NRXN1: variants seen among roughly 807,000 people sequenced by gnomAD.
NRXN1 encodes the protein neurexin 1.
In NRXN1, 39 loss-of-function variants were observed where a neutral mutation model predicts 150.9. That is an observed-to-expected ratio of 0.26 (90% CI 0.20 to 0.34). The LOEUF is 0.34. Ranked by LOEUF, NRXN1 falls within the 10% of genes least tolerant of loss-of-function variation. The pLI is 1.00. For synonymous variants in NRXN1, 924 were observed against 757.0 expected, an observed-to-expected ratio of 1.22 and a Z score of -3.62; for missense variants, 1,815 against 1,949.9, an observed-to-expected ratio of 0.93 and a Z score of 1.30.
chr2:50,965,008 A>G (rs1693824743), intron 2 of NRXN1, among the ~76,000 whole-genome samples: 1 of 151,456 alleles, frequency 6.6e-6, no homozygotes, highest in Non-Finnish European at 1.5e-5. Flanking sequence ...AGAGCCAAGA[A>G]CACATTAGGT....
intron 5 of NRXN1, chr2:50,919,497 CT>C (rs143240946): frequency 6.6e-6 from 1 of 151,414 alleles, no homozygotes; most frequent in Non-Finnish European, 1.5e-5. Context: ...TTTTTATAGT[CT>C]TTTTTTCATA....
intron 5 of NRXN1, among the ~76,000 whole-genome samples, chr2:50,813,958 G>C (rs1474273068): frequency 2.0e-5 from 3 of 151,448 alleles, no homozygotes; most frequent in African/African-American, 7.2e-5. Flanking sequence ...CAAGATTAAA[G>C]AGGAGATCAT....
At chr2:50,725,572 T>A (rs570919068) in intron 5 of NRXN1, among the ~76,000 whole-genome samples, 1 of 152,292 alleles carries the variant, frequency 6.6e-6, no homozygotes, top group Admixed American at 6.5e-5. Flanking sequence ...GTTAACTGGG[T>A]AATTTTTCCA....
At chr2:50,415,168 A>G (rs1193427453) in intron 17 of NRXN1, among the ~76,000 whole-genome samples, 18 of 152,152 alleles carry the variant, frequency 1.2e-4, no homozygotes, top group Non-Finnish European at 2.9e-5. Flanking sequence ...TTGAAAAAAG[A>G]AGATAATCAT....
At chr2:50,033,159 C>G (rs907165923) in intron 21 of NRXN1, among the ~76,000 whole-genome samples, 1 of 151,754 alleles carries the variant, frequency 6.6e-6, no homozygotes, top group Admixed American at 6.6e-5. Context: ...CTGTCTAAAA[C>G]AGTGCCTTTC....
intron 17 of NRXN1, among the ~76,000 whole-genome samples, chr2:50,281,333 A>ATAATAATAATAG (rs1428276034): frequency 6.6e-6 from 1 of 151,776 alleles, no homozygotes; most frequent in Non-Finnish European, 1.5e-5. Flanking sequence ...AATAATAATA[A>ATAATAATAATAG]TAATAATCCA....
intron 17 of NRXN1, among the ~76,000 whole-genome samples, chr2:50,254,518 T>G (rs551516575): frequency 2.3e-4 from 35 of 151,962 alleles, no homozygotes; most frequent in African/African-American, 8.0e-4. Context: ...GGGTGTCAAT[T>G]TGAGCTCTTC....
At chr2:50,548,312 C>A (rs750181060) in intron 9 of NRXN1, 11 of 152,170 alleles carry the variant, frequency 7.2e-5, no homozygotes, top group African/African-American at 2.4e-4. Context: ...TTTACACATT[C>A]GCTAACAATT....
In NRXN1 at chr2:50,831,939, G is replaced by T. The variant is rs138270363; in HGVS notation, c.832+89930C>A. Among the ~76,000 whole-genome samples the T allele has an allele frequency of 5.4e-3, 815 of 152,262 alleles. 7 individuals carry two copies. Among genetic ancestry groups the T allele is most frequent in the African/African-American group, 0.019 (786 of 41,550 alleles). ...CGCTGATTGTTCACATTGAGTAGCAGTGGCGGGCAAGCAAAAAAGAGCAGG... is the reference window on the plus strand; with the variant it reads ...CGCTGATTGTTCACATTGAGTAGCATTGGCGGGCAAGCAAAAAAGAGCAGG... On this transcript the variant is annotated intron_variant, in intron 5 of 22. Coordinates refer to ENST00000401669, the MANE Select transcript of NRXN1 (RefSeq NM_001330078.2).
chr2:50,754,767 C>T (rs1700985258), intron 5 of NRXN1, among the ~76,000 whole-genome samples: 1 of 151,846 alleles, frequency 6.6e-6, no homozygotes, highest in East Asian at 1.9e-4. Flanking sequence ...GCTTGTTCTA[C>T]TTTTAAGCAA....
chr2:50,808,427 T>A (rs1667793383), intron 5 of NRXN1, among the ~76,000 whole-genome samples: 1 of 152,018 alleles, frequency 6.6e-6, no homozygotes, highest in Non-Finnish European at 1.5e-5. Context: ...CAACTACCAT[T>A]ACGTTTTAGG....
intron 8 of NRXN1, among the ~76,000 whole-genome samples, chr2:50,611,734 A>G (rs1357052655): frequency 6.6e-6 from 1 of 152,218 alleles, no homozygotes; most frequent in African/African-American, 2.4e-5. Flanking sequence ...AAAATAAAGC[A>G]AGCATTATCT....
intron 19 of NRXN1, among the ~76,000 whole-genome samples, chr2:50,063,445 C>A (rs1384026376): frequency 6.6e-6 from 1 of 151,592 alleles, no homozygotes; most frequent in East Asian, 1.9e-4. Context: ...GTAATTTTTT[C>A]AATTCCTTTA....
intron 18 of NRXN1, among the ~76,000 whole-genome samples, chr2:50,107,138 T>C (rs533702637): frequency 6.6e-6 from 1 of 152,132 alleles, no homozygotes; most frequent in Admixed American, 6.5e-5. Flanking sequence ...CCTTGCGGCA[T>C]TCCACATACA....
At chr2:50,515,893 A>T (rs2092617563) in intron 12 of NRXN1, among the ~76,000 whole-genome samples, 1 of 152,030 alleles carries the variant, frequency 6.6e-6, no homozygotes, top group South Asian at 2.1e-4. Flanking sequence ...AAATGATGAG[A>T]GGATATGTTT....
intron 18 of NRXN1, among the ~76,000 whole-genome samples, chr2:50,122,973 T>G (rs1309901009): frequency 6.6e-6 from 1 of 152,226 alleles, no homozygotes; most frequent in African/African-American, 2.4e-5. Context: ...AAAATTTGTC[T>G]TCTCTCTGTT....
chr2:50,736,566 C>G (rs1698778811), intron 5 of NRXN1, among the ~76,000 whole-genome samples: 1 of 152,110 alleles, frequency 6.6e-6, no homozygotes, highest in Non-Finnish European at 1.5e-5. Flanking sequence ...AGGGCGGTTT[C>G]CACCATGGAA....
chr2:50,715,456 A>T lies in NRXN1; in HGVS notation c.833-91841T>A, dbSNP rs200309522. 3.9e-5 allele frequency among the ~76,000 whole-genome samples: 6 copies of T among 152,178 alleles called. No homozygotes were observed. The East Asian group carries it at 1.2e-3, about 29-fold the overall frequency. ...GATTAAATAAGAAACTGGATGTAAA[A>T]GTGATTTGTAAACTGTAAATTGTTT... is the stretch of plus-strand genomic sequence containing the variant. On this transcript the variant is annotated intron_variant, in intron 5 of 22. Transcript: ENST00000401669.
At chr2:50,122,703 G>A (rs894197064) in intron 18 of NRXN1, among the ~76,000 whole-genome samples, 3 of 152,154 alleles carry the variant, frequency 2.0e-5, no homozygotes, top group African/African-American at 7.2e-5. Context: ...ATTAACACAT[G>A]TTCCTTGAGA....
Sources: gnomAD v4.1 joint callset for allele counts (sites outside exome capture counted in the v4.1 genomes callset) on GRCh38, gnomAD v4.1.1 for gene constraint, MANE v1.5 for transcripts, NCBI Gene and HGNC (gene_info 2026-07-23, HGNC 2026-07-21) for gene names.